The following LRRFIP2 variants were observed in gnomAD, a reference collection of about 807,000 sequenced individuals.
LRRFIP2 encodes LRR binding FLII interacting protein 2.
A neutral mutation model predicts 125.9 loss-of-function variants in LRRFIP2; 109 were observed. The observed-to-expected ratio is 0.87, with a 90% CI of 0.74 to 1.01. LRRFIP2 has a LOEUF of 1.01. Among genes scored for constraint, LRRFIP2 ranks in the 50% least tolerant of loss-of-function variants. The pLI, the probability that LRRFIP2 is intolerant of heterozygous loss-of-function variation, is 0.00. For synonymous variants in LRRFIP2, 291 were observed against 293.1 expected, an observed-to-expected ratio of 0.99 and a Z score of 0.07; for missense variants, 850 against 862.3, an observed-to-expected ratio of 0.99 and a Z score of 0.18.
intron 2 of LRRFIP2, among the ~76,000 whole-genome samples, chr3:37,147,359 G>A (rs2095881799): frequency 6.6e-6 from 1 of 152,058 alleles, no homozygotes; most frequent in African/African-American, 2.4e-5. Context: ...ATTACTTGAA[G>A]GAATATAAAT....
intron 1 of LRRFIP2, among the ~76,000 whole-genome samples, chr3:37,161,221 T>C (rs945844454): frequency 2.1e-5 from 3 of 140,598 alleles, no homozygotes; most frequent in Non-Finnish European, 3.1e-5. Context: ...CCAGGCACGG[T>C]GGGACACATC....
intron 1 of LRRFIP2, among the ~76,000 whole-genome samples, chr3:37,172,524 T>C (rs2096599596): frequency 6.6e-6 from 1 of 152,124 alleles, no homozygotes; most frequent in East Asian, 1.9e-4. Flanking sequence ...GACTTTCTTT[T>C]CATCATATAC....
rs1008361289 is a variant in LRRFIP2 at position 37,105,329 on chromosome 3, T to A, written c.783+126A>T. 3.7e-5 allele frequency: 27 copies of A among 731,894 alleles called. 1 individual carries two copies. In the East Asian group the frequency reaches 7.3e-4, roughly 20 times the overall value. The allele number at this position is 731,894 out of a possible 1,614,324, so 45.3% of individuals were successfully genotyped here. A position where few individuals can be genotyped will look rare whatever the true frequency, so the allele number is the denominator to read the frequency against. The stretch of plus-strand genomic sequence containing the variant: ...TGTTTTATAAGGCAAAATATTTATA[T>A]AACTAAATTTGAGGAAAATGCTCTT... On this transcript the variant is annotated intron_variant, in intron 14 of 27. Transcript: ENST00000336686.
intron 7 of LRRFIP2, among the ~76,000 whole-genome samples, chr3:37,113,978 A>G (rs975347123): frequency 6.6e-6 from 1 of 152,200 alleles, no homozygotes; most frequent in African/African-American, 2.4e-5. Flanking sequence ...GGTACGTACT[A>G]CTTGCCTGAA....
intron 2 of LRRFIP2, among the ~76,000 whole-genome samples, chr3:37,135,659 A>G (rs1472389482): frequency 6.6e-6 from 1 of 152,216 alleles, no homozygotes; most frequent in Non-Finnish European, 1.5e-5. Context: ...TCCAAAGAAG[A>G]TATAAAAATG....
At chr3:37,088,273 C>A (rs780394937) in intron 18 of LRRFIP2, among the ~76,000 whole-genome samples, 1 of 152,120 alleles carries the variant, frequency 6.6e-6, no homozygotes, top group Non-Finnish European at 1.5e-5. Flanking sequence ...CAAGACTTAC[C>A]CCTACAGTCT....
In LRRFIP2 at chr3:37,148,911, T is replaced by G. The variant is rs2095932802; in HGVS notation, c.73A>C (p.Ser25Arg). Residue 25 changes from serine (S) to arginine (R), a missense_variant, in exon 2 of 28, where the codon AGT becomes CGT. Coordinates refer to ENST00000336686, the MANE Select transcript of LRRFIP2 (RefSeq NM_006309.4). ...DRFSAEDEAL[S>R]NIAREAEARL... ...AAACATACCTCTCTGGCAATGTTAC[T>G]CAAAGCTTCATCTTCTGCAGAAAAT... The G allele has an allele frequency of 6.2e-7, 1 of 1,613,998 alleles. No individual in the cohort carries two copies. Among genetic ancestry groups the G allele is most frequent in the African/African-American group, 1.3e-5 (1 of 74,932 alleles).
intron 1 of LRRFIP2, among the ~76,000 whole-genome samples, chr3:37,158,506 C>A (rs997069457): frequency 6.6e-6 from 1 of 151,708 alleles, no homozygotes; most frequent in South Asian, 2.1e-4. Context: ...ACTTGGGAGG[C>A]TGAGGCAGGA....
intron 1 of LRRFIP2, among the ~76,000 whole-genome samples, chr3:37,167,437 C>G (rs1224084341): frequency 6.6e-6 from 1 of 151,412 alleles, no homozygotes; most frequent in Non-Finnish European, 1.5e-5. Flanking sequence ...GGGCAGATCA[C>G]AAAGTCAGGA....
Position 37,094,796 on chromosome 3 carries a change from A to G in LRRFIP2, c.1031T>C (p.Leu344Ser), listed in dbSNP as rs1352477168. Residue 344 changes from leucine to serine, a missense_variant, in exon 17 of 28, where the codon TTG becomes TCG. Transcript: ENST00000336686. ...AAACCAAAAACTTCAGTTTACCCGCAATTCACTTAATGAAGTGTCTGGATC... is the reference window on the plus strand; with the variant it reads ...AAACCAAAAACTTCAGTTTACCCGCGATTCACTTAATGAAGTGTCTGGATC... ...LIDPDTSLSE[L>S]RDIYDLKDQI... 2.5e-6 allele frequency: 4 copies of G among 1,609,988 alleles called. No individual in the cohort carries two copies. In the African/African-American group the frequency reaches 5.3e-5, roughly 22 times the overall value.
chr3:37,104,806 T>C (rs1272705501), intron 14 of LRRFIP2, among the ~76,000 whole-genome samples: 1 of 152,196 alleles, frequency 6.6e-6, no homozygotes, highest in Non-Finnish European at 1.5e-5. Flanking sequence ...CTAGAATTTT[T>C]AAATTTTGTC....
At chr3:37,145,052 A>G (rs2095822317) in intron 2 of LRRFIP2, among the ~76,000 whole-genome samples, 2 of 152,238 alleles carry the variant, frequency 1.3e-5, no homozygotes, top group African/African-American at 4.8e-5. Flanking sequence ...CATGGTTTCC[A>G]AATTAACAAA....
intron 2 of LRRFIP2, among the ~76,000 whole-genome samples, chr3:37,136,975 G>A (rs2095572714): frequency 2.8e-5 from 1 of 36,016 alleles, no homozygotes; most frequent in Admixed American, 2.6e-4. Context: ...TGGGGGGGTG[G>A]GGGGGGGGCG....
intron 7 of LRRFIP2, among the ~76,000 whole-genome samples, chr3:37,113,451 T>C (rs1322018726): frequency 6.6e-6 from 1 of 152,132 alleles, no homozygotes; most frequent in Non-Finnish European, 1.5e-5. Context: ...CATGTACCAC[T>C]ACACCCAGCT....
Position 37,109,633 on chromosome 3 carries a change from A to T in LRRFIP2, c.564+20T>A, listed in dbSNP as rs2094478935. ...CAACTGGTAGCTCTAAAGGCAGAAC[A>T]TTCCTCAGAAAGTACTAACCCTGTC... is the stretch of plus-strand genomic sequence containing the variant. On this transcript the variant is annotated intron_variant, in intron 10 of 27. Coordinates refer to ENST00000336686, the MANE Select transcript of LRRFIP2 (RefSeq NM_006309.4). The T allele has an allele frequency of 6.2e-7, 1 of 1,614,048 alleles. No individual in the cohort carries two copies.
intron 14 of LRRFIP2, 21 bp downstream of exon 14, chr3:37,105,434 T>C (rs771868170): frequency 1.6e-5 from 26 of 1,605,310 alleles, no homozygotes; most frequent in African/African-American, 8.0e-5. Context: ...TCTTATTTCT[T>C]TGCATGCAAA....
chr3:37,154,167 C>A (rs908106257), intron 1 of LRRFIP2, among the ~76,000 whole-genome samples: 2 of 151,986 alleles, frequency 1.3e-5, no homozygotes, highest in Admixed American at 6.6e-5. Context: ...CAGAGGGAGA[C>A]CCTGTCTCAA....
intron 4 of LRRFIP2, among the ~76,000 whole-genome samples, chr3:37,127,314 A>G (rs2095308210): frequency 6.6e-6 from 1 of 152,198 alleles, no homozygotes; most frequent in African/African-American, 2.4e-5. Flanking sequence ...ATGTGGACTT[A>G]TTTTTTTAAA....
chr3:37,103,353 A>T (rs1300891353), intron 14 of LRRFIP2, among the ~76,000 whole-genome samples: 4 of 152,202 alleles, frequency 2.6e-5, no homozygotes, highest in Non-Finnish European at 4.4e-5. Flanking sequence ...ATATACCTCT[A>T]CTATAATTCT....
Sources: gnomAD v4.1 joint callset for allele counts (sites outside exome capture counted in the v4.1 genomes callset) on GRCh38, gnomAD v4.1.1 for gene constraint, MANE v1.5 for transcripts, NCBI Gene and HGNC (gene_info 2026-07-23, HGNC 2026-07-21) for gene names.